RTN1: variants seen among roughly 807,000 people sequenced by gnomAD.
The protein encoded by RTN1 is reticulon-1.
Under a neutral mutation model 65.5 loss-of-function variants are expected in RTN1, and 25 were observed. That is an observed-to-expected ratio of 0.38 (90% CI 0.28 to 0.53). RTN1 has a LOEUF of 0.53. RTN1 is among the 20% of genes least tolerant of loss of function. RTN1 has a pLI of 0.79. For missense variants in RTN1, 983 were observed against 1,025.4 expected (o/e 0.96, Z 0.57); for synonymous variants, 471 against 447.6 (o/e 1.05, Z -0.66).
intron 1 of RTN1, among the ~76,000 whole-genome samples, chr14:59,852,115 T>C (rs550560819): frequency 6.6e-6 from 1 of 152,258 alleles, no homozygotes; most frequent in Non-Finnish European, 1.5e-5. Context: ...GTATTATCTA[T>C]AATAAAAGGT....
chr14:59,734,387 C>T (rs576704198), intron 2 of RTN1, among the ~76,000 whole-genome samples: 27 of 152,204 alleles, frequency 1.8e-4, no homozygotes, highest in East Asian at 3.9e-4. Context: ...AGGCTGGGAC[C>T]GCTGAAATGA....
chr14:59,750,218 ATT>A (rs1491093913), intron 1 of RTN1, among the ~76,000 whole-genome samples: 2 of 43,444 alleles, frequency 4.6e-5, no homozygotes, highest in Non-Finnish European at 7.4e-5. Context: ...TAATATATAT[ATT>A]ATATCTATAA....
At chr14:59,786,426 A>G (rs1013610832) in intron 1 of RTN1, among the ~76,000 whole-genome samples, 1 of 152,082 alleles carries the variant, frequency 6.6e-6, no homozygotes. Flanking sequence ...GAGCTCCTCT[A>G]CCTTTCTTTT....
Position 59,726,988 on chromosome 14 carries a change from C to T in RTN1, c.1696G>A (p.Ala566Thr), listed in dbSNP as rs2139477643. 2 of 1,613,392 alleles carry T rather than the reference C, an allele frequency of 1.2e-6. No homozygotes were observed. Among genetic ancestry groups the T allele is most frequent in the East Asian group, 2.2e-5 (1 of 44,832 alleles). The change falls in exon 3 of 9, where the codon GCC becomes ACC. Residue 566 changes from alanine (A) to threonine (T), a missense_variant. This residue lies in a region of RTN1 where 818 missense variants were observed against 801.8 expected (regional missense o/e 1.02). Transcript: ENST00000267484. ...CCTAGAGGCCCAGGGCCCTTTGTGG[C>T]CGCAGGACTTTGGTTGGAACTCGAG... is the stretch of plus-strand genomic sequence containing the variant. Reference protein sequence around the residue: ...EDSSSNQSPAATKGPGPLGPG... With the variant: ...EDSSSNQSPATTKGPGPLGPG...
At chr14:59,832,669 C>T (rs1887145817) in intron 1 of RTN1, among the ~76,000 whole-genome samples, 1 of 152,220 alleles carries the variant, frequency 6.6e-6, no homozygotes, top group Non-Finnish European at 1.5e-5. Context: ...TCTGCCAAGG[C>T]CTGCTCTCCT....
At chr14:59,599,233 A>C (rs1051250921) in intron 8 of RTN1, among the ~76,000 whole-genome samples, 6 of 152,116 alleles carry the variant, frequency 3.9e-5, no homozygotes, top group African/African-American at 1.2e-4. Flanking sequence ...TGTAAAGTTG[A>C]CTTTTTAGAA....
At chr14:59,718,627 C>T (rs1346862277) in intron 3 of RTN1, among the ~76,000 whole-genome samples, 1 of 152,104 alleles carries the variant, frequency 6.6e-6, no homozygotes, top group Non-Finnish European at 1.5e-5. Context: ...ATATTAAACC[C>T]GTTGCTTGGC....
intron 3 of RTN1, among the ~76,000 whole-genome samples, chr14:59,704,788 G>C (rs1884256022): frequency 6.6e-6 from 1 of 152,114 alleles, no homozygotes; most frequent in Non-Finnish European, 1.5e-5. Flanking sequence ...CTGATTCCCG[G>C]ACACTGTGAT....
At chr14:59,779,265 T>C (rs1886109451) in intron 1 of RTN1, among the ~76,000 whole-genome samples, 1 of 152,026 alleles carries the variant, frequency 6.6e-6, no homozygotes, top group Non-Finnish European at 1.5e-5. Flanking sequence ...CAAGGCCAAC[T>C]GGGTGGATGG....
intron 3 of RTN1, among the ~76,000 whole-genome samples, chr14:59,659,783 A>C (rs1177631101): frequency 6.6e-6 from 1 of 152,212 alleles, no homozygotes; most frequent in Non-Finnish European, 1.5e-5. Flanking sequence ...CCACTGCAAA[A>C]ACATACCAAA....
At chr14:59,848,193 T>C (rs1197228303) in intron 1 of RTN1, among the ~76,000 whole-genome samples, 1 of 152,218 alleles carries the variant, frequency 6.6e-6, no homozygotes, top group African/African-American at 2.4e-5. Context: ...ATCTAACTTG[T>C]AATGGTCACC....
intron 3 of RTN1, among the ~76,000 whole-genome samples, chr14:59,616,840 C>G (rs921573696): frequency 2.0e-5 from 3 of 152,176 alleles, no homozygotes; most frequent in Admixed American, 2.0e-4. Context: ...TTTTAGGGCT[C>G]TCATGGAAAG....
At chr14:59,669,020 G>C (rs1056567761) in intron 3 of RTN1, among the ~76,000 whole-genome samples, 1 of 152,108 alleles carries the variant, frequency 6.6e-6, no homozygotes, top group Admixed American at 6.5e-5. Flanking sequence ...GTGTAAATTA[G>C]TTCAACCACT....
intron 2 of RTN1, among the ~76,000 whole-genome samples, chr14:59,728,065 A>G (rs2139480350): frequency 6.6e-6 from 1 of 152,298 alleles, no homozygotes; most frequent in South Asian, 2.1e-4. Context: ...CACAGATTTT[A>G]TCAGATAATC....
At chr14:59,684,009 C>T (rs1045048960) in intron 3 of RTN1, among the ~76,000 whole-genome samples, 1 of 152,006 alleles carries the variant, frequency 6.6e-6, no homozygotes, top group Admixed American at 6.6e-5. Context: ...AAGGCTTCTG[C>T]ATTTAAAGTT....
intron 1 of RTN1, among the ~76,000 whole-genome samples, chr14:59,789,185 C>A (rs1232907884): frequency 6.6e-6 from 1 of 151,818 alleles, no homozygotes; most frequent in African/African-American, 2.4e-5. Context: ...TTGATTCTCT[C>A]AAGTTTTCTT....
chr14:59,716,991 A>C (rs1224723133), intron 3 of RTN1, among the ~76,000 whole-genome samples: 10 of 142,138 alleles, frequency 7.0e-5, no homozygotes, highest in African/African-American at 1.1e-4. Context: ...ACAAACAAAA[A>C]AAAAAAAAAA....
intron 3 of RTN1, among the ~76,000 whole-genome samples, chr14:59,662,155 T>G (rs1395492114): frequency 7.0e-6 from 1 of 142,298 alleles, no homozygotes; most frequent in Non-Finnish European, 1.5e-5. Flanking sequence ...AATCCAGCTT[T>G]CTTTTTTCTT....
intron 3 of RTN1, among the ~76,000 whole-genome samples, chr14:59,660,892 C>T (rs1314407492): frequency 6.6e-6 from 1 of 151,530 alleles, no homozygotes; most frequent in African/African-American, 2.4e-5. Context: ...GATCAGAGCA[C>T]AACTGAAGGA....
Sources: gnomAD v4.1 joint callset for allele counts (sites outside exome capture counted in the v4.1 genomes callset) on GRCh38, gnomAD v4.1.1 for gene constraint, gnomAD v4.1.1 regional missense constraint, MANE v1.5 for transcripts, NCBI Gene and HGNC (gene_info 2026-07-23, HGNC 2026-07-21) for gene names.